Variants in STXBP5L observed in about 807,000 individuals in gnomAD.
The protein encoded by STXBP5L is syntaxin binding protein 5L, also known as syntaxin-binding protein 5-like.
Under a neutral mutation model 144.5 loss-of-function variants are expected in STXBP5L, and 65 were observed. That is an observed-to-expected ratio of 0.45 (90% CI 0.37 to 0.55). STXBP5L has a LOEUF of 0.55. Ranked by LOEUF, STXBP5L falls within the 20% of genes least tolerant of loss-of-function variation. The pLI is 0.00. For missense variants in STXBP5L, 1,298 were observed against 1,405.5 expected (o/e 0.92, Z 1.22); for synonymous variants, 505 against 469.6 (o/e 1.08, Z -0.97).
In STXBP5L at chr3:120,912,663, G is replaced by A. The variant is rs547833307; in HGVS notation, c.189+2896G>A. ...GTTAATGCATTGGGTTACTGCAATC[G>A]TTCAGAATGTGTATACATTGGAATG... is the stretch of plus-strand genomic sequence containing the variant. On this transcript the variant is annotated intron_variant, in intron 2 of 26. Coordinates refer to ENST00000471454, the MANE Select transcript of STXBP5L (RefSeq NM_001308330.2). 7.4e-4 allele frequency among the ~76,000 whole-genome samples: 112 copies of A among 151,286 alleles called. 1 individual carries two copies. Among genetic ancestry groups the A allele is most frequent in the African/African-American group, 2.6e-3 (106 of 41,324 alleles).
At chr3:121,082,532 C>T (rs2042300082) in intron 5 of STXBP5L, among the ~76,000 whole-genome samples, 1 of 152,154 alleles carries the variant, frequency 6.6e-6, no homozygotes, top group African/African-American at 2.4e-5. Context: ...AAGGTCTGTA[C>T]TAATAAGGGC....
At chr3:121,010,097 T>C (rs1383273680) in intron 3 of STXBP5L, among the ~76,000 whole-genome samples, 4 of 151,930 alleles carry the variant, frequency 2.6e-5, no homozygotes, top group Non-Finnish European at 5.9e-5. Context: ...ATTCATATCA[T>C]TTTTGGAGAA....
intron 5 of STXBP5L, among the ~76,000 whole-genome samples, chr3:121,063,598 C>T (rs745716089): frequency 1.3e-5 from 2 of 152,188 alleles, no homozygotes; most frequent in Non-Finnish European, 2.9e-5. Flanking sequence ...AACACCCGCT[C>T]CTTCCTCCAG....
At chr3:120,971,138 T>G (rs1288766002) in intron 3 of STXBP5L, among the ~76,000 whole-genome samples, 1 of 152,128 alleles carries the variant, frequency 6.6e-6, no homozygotes, top group Non-Finnish European at 1.5e-5. Context: ...ATCTGGGCAT[T>G]GGGAAAAATC....
chr3:121,095,330 C>T (rs556818009), intron 5 of STXBP5L, among the ~76,000 whole-genome samples: 1 of 152,246 alleles, frequency 6.6e-6, no homozygotes, highest in South Asian at 2.1e-4. Context: ...TGAATGTTGG[C>T]CTGTCCTTCT....
intron 3 of STXBP5L, among the ~76,000 whole-genome samples, chr3:121,005,041 G>A (rs991311054): frequency 2.6e-5 from 4 of 152,082 alleles, no homozygotes; most frequent in Admixed American, 6.6e-5. Flanking sequence ...GCCAGGCTTT[G>A]GTATCAGGAT....
intron 9 of STXBP5L, among the ~76,000 whole-genome samples, chr3:121,182,910 A>G (rs1383402245): frequency 6.6e-6 from 1 of 152,232 alleles, no homozygotes; most frequent in Non-Finnish European, 1.5e-5. Flanking sequence ...AAAAATCCTT[A>G]ACAAAATACT....
At chr3:120,914,279 G>A (rs994664715) in intron 2 of STXBP5L, among the ~76,000 whole-genome samples, 3 of 151,924 alleles carry the variant, frequency 2.0e-5, no homozygotes, top group Non-Finnish European at 2.9e-5. Flanking sequence ...AGAACCAGAT[G>A]ACATAATCCC....
chr3:120,958,937 T>G (rs1938385359), intron 3 of STXBP5L, among the ~76,000 whole-genome samples: 1 of 152,174 alleles, frequency 6.6e-6, no homozygotes, highest in Admixed American at 6.5e-5. Flanking sequence ...ATAAAGAGTA[T>G]TCAATTAGGA....
chr3:121,183,287 A>G (rs1429170007), intron 9 of STXBP5L, among the ~76,000 whole-genome samples: 2 of 152,208 alleles, frequency 1.3e-5, no homozygotes, highest in African/African-American at 4.8e-5. Flanking sequence ...CGGAAGTCAT[A>G]GACAAAGCAA....
intron 19 of STXBP5L, among the ~76,000 whole-genome samples, chr3:121,311,786 C>T (rs2043538332): frequency 6.6e-6 from 1 of 152,238 alleles, no homozygotes; most frequent in East Asian, 1.9e-4. Context: ...TTTATAGATT[C>T]AATGCCATCC....
At chr3:121,210,337 G>C (rs551605182) in intron 10 of STXBP5L, among the ~76,000 whole-genome samples, 1 of 151,500 alleles carries the variant, frequency 6.6e-6, no homozygotes, top group East Asian at 2.0e-4. Flanking sequence ...TTAGCCCTTT[G>C]TCAGATGAGT....
chr3:121,000,884 G>A (rs1357557183), intron 3 of STXBP5L, among the ~76,000 whole-genome samples: 1 of 152,136 alleles, frequency 6.6e-6, no homozygotes, highest in East Asian at 1.9e-4. Flanking sequence ...GGAGGCCATG[G>A]CTCAACTCAG....
intron 2 of STXBP5L, among the ~76,000 whole-genome samples, chr3:120,929,029 T>A (rs1157734280): frequency 6.6e-6 from 1 of 152,076 alleles, no homozygotes; most frequent in Non-Finnish European, 1.5e-5. Context: ...GCTTTAAGTA[T>A]GTTCTTATTG....
chr3:121,356,805 C>G (rs557782068), intron 20 of STXBP5L, among the ~76,000 whole-genome samples: 1 of 152,248 alleles, frequency 6.6e-6, no homozygotes, highest in African/African-American at 2.4e-5. Context: ...CAGAGCTGTT[C>G]CTATTTGGCC....
intron 3 of STXBP5L, among the ~76,000 whole-genome samples, chr3:121,036,956 T>A (rs1946802444): frequency 6.6e-6 from 1 of 151,934 alleles, no homozygotes; most frequent in Admixed American, 6.6e-5. Flanking sequence ...AGATGAGGTC[T>A]TTCTCTGTCA....
At chr3:121,136,097 T>G (rs750690374) in intron 7 of STXBP5L, among the ~76,000 whole-genome samples, 21 of 152,180 alleles carry the variant, frequency 1.4e-4, no homozygotes, top group Non-Finnish European at 2.8e-4. Context: ...CATGCCCTGG[T>G]GCCATTCTCA....
At chr3:121,297,209 TGTGTGTG>T (rs2108479777) in intron 19 of STXBP5L, among the ~76,000 whole-genome samples, 1 of 34,394 alleles carries the variant, frequency 2.9e-5, no homozygotes, top group East Asian at 2.6e-3. Context: ...TATATGTGTG[TGTGTGTG>T]TGTGTGTGTG....
intron 2 of STXBP5L, among the ~76,000 whole-genome samples, chr3:120,951,600 A>G (rs1482892090): frequency 6.6e-6 from 1 of 152,210 alleles, no homozygotes; most frequent in Non-Finnish European, 1.5e-5. Context: ...CAGAACCACA[A>G]TGAGATATCA....
Sources: gnomAD v4.1 joint callset for allele counts (sites outside exome capture counted in the v4.1 genomes callset) on GRCh38, gnomAD v4.1.1 for gene constraint, MANE v1.5 for transcripts, NCBI Gene and HGNC (gene_info 2026-07-23, HGNC 2026-07-21) for gene names.